DNA2: variants seen among roughly 807,000 people sequenced by gnomAD.
The protein encoded by DNA2 is DNA replication ATP-dependent helicase/nuclease DNA2.
In DNA2, 101 loss-of-function variants were observed where a neutral mutation model predicts 119.1. The observed-to-expected ratio is 0.85, with a 90% CI of 0.72 to 1.00. DNA2 has a LOEUF of 1.00. DNA2 is among the 50% of genes least tolerant of loss of function. DNA2 has a pLI of 0.00. For missense variants in DNA2, 1,121 were observed against 1,255.5 expected, an observed-to-expected ratio of 0.89 and a Z score of 1.62; for synonymous variants, 366 against 424.4, an observed-to-expected ratio of 0.86 and a Z score of 1.69.
In DNA2 at chr10:68,450,252, A is replaced by AAAAG. The variant is rs2052101517; in HGVS notation, c.720-6_720-5insCTTT. On this transcript the variant is annotated splice_region_variant and splice_polypyrimidine_tract_variant and intron_variant, in intron 5 of 20. Transcript: ENST00000358410. ...TCCTTACTATTATCACTTGGCCTGA[A>AAAAG]AAAAAAAAAAGCACAAAAACACTTA... 2 of 1,388,290 alleles carry AAAAG rather than the reference A, an allele frequency of 1.4e-6. No individual in the cohort carries two copies. Among genetic ancestry groups the AAAAG allele is most frequent in the African/African-American group, 2.9e-5 (2 of 68,394 alleles). The allele number at this position is 1,388,290 out of a possible 1,614,324, so 86.0% of individuals were successfully genotyped here. A position where few individuals can be genotyped will look rare whatever the true frequency, so the allele number is the denominator to read the frequency against.
chr10:68,448,958 T>C (rs1435151124), intron 6 of DNA2, among the ~76,000 whole-genome samples: 1 of 127,048 alleles, frequency 7.9e-6, no homozygotes, highest in East Asian at 2.8e-4. Flanking sequence ...TGTGTGTGTG[T>C]GTGTGTGTGC....
At chr10:68,469,556 A>G (rs1302475817) in intron 2 of DNA2, among the ~76,000 whole-genome samples, 3 of 152,072 alleles carry the variant, frequency 2.0e-5, no homozygotes, top group African/African-American at 4.8e-5. Context: ...TCCACCTCCC[A>G]GGTTCAAGCA....
intron 14 of DNA2, among the ~76,000 whole-genome samples, chr10:68,424,290 G>A (rs919296946): frequency 1.3e-5 from 2 of 152,172 alleles, no homozygotes; most frequent in African/African-American, 4.8e-5. Context: ...GATTGCTGGA[G>A]CTCAGGAGTT....
At chr10:68,432,703 G>C (rs982091346) in intron 10 of DNA2, among the ~76,000 whole-genome samples, 193 bp from the exon 11 acceptor site, 2 of 152,114 alleles carry the variant, frequency 1.3e-5, no homozygotes, top group Non-Finnish European at 2.9e-5. Context: ...GGAAGGGGAA[G>C]GTCCAAGGCA....
At chr10:68,422,025 A>G (rs944271996) in intron 17 of DNA2, among the ~76,000 whole-genome samples, 200 bp downstream of exon 17, 3 of 151,988 alleles carry the variant, frequency 2.0e-5, no homozygotes, top group African/African-American at 7.2e-5. Context: ...ATGTTGGCCA[A>G]GCTGGTCTTG....
At chr10:68,457,917 A>G (rs1276358813) in intron 5 of DNA2, among the ~76,000 whole-genome samples, 1 of 152,104 alleles carries the variant, frequency 6.6e-6, no homozygotes, top group Admixed American at 6.6e-5. Context: ...TCATGCCCGT[A>G]ATCCCAGCAG....
At position 68,434,421 on chromosome 10, in the gene DNA2, G is replaced by A. The variant is rs2051860895; in HGVS notation, c.1647-1911C>T. 2.6e-5 allele frequency among the ~76,000 whole-genome samples: 4 copies of A among 152,162 alleles called. No individual in the cohort carries two copies. The South Asian group carries it at 8.3e-4, about 32-fold the overall frequency. ...CTAGCACTTCAGAAGGCTGAAGCAG[G>A]AGGATCACTTGAGCCCATGAGTTCA... is the stretch of plus-strand genomic sequence containing the variant. On this transcript the variant is annotated intron_variant, in intron 10 of 20. Transcript: ENST00000358410.
At chr10:68,469,495 T>A (rs1430122199) in intron 2 of DNA2, among the ~76,000 whole-genome samples, 2 of 152,006 alleles carry the variant, frequency 1.3e-5, no homozygotes, top group Non-Finnish European at 1.5e-5. Flanking sequence ...GAAGTTTCGC[T>A]CTTGTTGCCT....
At position 68,445,024 on chromosome 10, in the gene DNA2, C is replaced by A; in HGVS notation, c.1117G>T (p.Ala373Ser). The A allele has an allele frequency of 6.2e-7, 1 of 1,613,120 alleles. No individual in the cohort carries two copies. The highest frequency in any genetic ancestry group is 8.5e-7 in the Non-Finnish European group (1 of 1,179,472). The change falls in exon 8 of 21, where the codon GCT becomes TCT. Residue 373 changes from alanine (A) to serine (S), a missense_variant. Physicochemically the swap from Ala to Ser is moderately conservative, Grantham distance 99. Coordinates refer to ENST00000358410, the MANE Select transcript of DNA2 (RefSeq NM_001080449.3). ...GCAAGCTGTGTCTTCTGTCTAGTAG[C>A]AGATTTGCTAATACGGTGAAACAAT... Reference protein sequence around the residue: ...FSLFHRISKSATRQKTQLASL... With the variant: ...FSLFHRISKSSTRQKTQLASL...
At position 68,471,922 on chromosome 10, in the gene DNA2, CAG is replaced by C; in HGVS notation, c.-60_-59del. On this transcript the variant is annotated 5_prime_UTR_variant, in exon 1 of 21. Transcript: ENST00000358410. ...AAAGACAGCGGAACCGGGGGTAACACAGAAAGCTTAGAAAAGGGAAAAAGGCG... is the reference window on the plus strand; with the variant it reads ...AAAGACAGCGGAACCGGGGGTAACACAAAGCTTAGAAAAGGGAAAAAGGCG... 1 of 1,613,762 alleles carries C rather than the reference CAG, an allele frequency of 6.2e-7. No individual in the cohort carries two copies. Among genetic ancestry groups the C allele is most frequent in the Non-Finnish European group, 8.5e-7 (1 of 1,179,700 alleles).
intron 10 of DNA2, among the ~76,000 whole-genome samples, chr10:68,436,491 TAGAC>T (rs752471172): frequency 6.6e-6 from 1 of 152,092 alleles, no homozygotes; most frequent in Non-Finnish European, 1.5e-5. Flanking sequence ...GTCTTAGAAA[TAGAC>T]AGAAGTGATG....
chr10:68,469,990 C>T lies in DNA2; in HGVS notation c.248G>A (p.Arg83Lys). ...SLENKELCIL[R>K]NDWCSVPVEP... is the part of the protein sequence containing the mutation. ...GTCACATAAAAATTACCAGTCATTC[C>T]TAAGGATGCATAGTTCTTTATTTTC... is the stretch of plus-strand genomic sequence containing the variant. Residue 83 changes from arginine to lysine, a missense_variant, in exon 2 of 21, where the codon AGG (arginine) becomes AAG (lysine). By Grantham distance (26) the Arg-to-Lys change is conservative. Coordinates refer to ENST00000358410, the MANE Select transcript of DNA2 (RefSeq NM_001080449.3). The T allele has an allele frequency of 6.3e-7, 1 of 1,599,024 alleles. No homozygotes were observed. The highest frequency in any genetic ancestry group is 8.5e-7 in the Non-Finnish European group (1 of 1,176,460).
Position 68,431,901 on chromosome 10 carries a change from A to AGTGT in DNA2, c.1943_1944insACAC (p.Met649HisfsTer24). ...TAGTTGTTTTTCCTGTCCCAGGCATACCCACGATGAGTGTGTAGTCTTTTG... is the reference window on the plus strand; with the variant it reads ...TAGTTGTTTTTCCTGTCCCAGGCATAGTGTCCCACGATGAGTGTGTAGTCTTTTG... On this transcript the variant is annotated frameshift_variant, in exon 13 of 21. Transcript: ENST00000358410. LOFTEE classifies it high-confidence loss of function. 1.9e-6 allele frequency: 3 copies of AGTGT among 1,613,866 alleles called. No homozygotes were observed. Among genetic ancestry groups the AGTGT allele is most frequent in the Non-Finnish European group, 2.5e-6 (3 of 1,179,816 alleles).
intron 10 of DNA2, among the ~76,000 whole-genome samples, chr10:68,433,494 A>G (rs905380257): frequency 1.3e-5 from 2 of 152,140 alleles, no homozygotes; most frequent in Admixed American, 6.6e-5. Context: ...AAAACCTTTC[A>G]ATACAATTCT....
In DNA2 at chr10:68,468,391, T is replaced by C; in HGVS notation, c.258-85A>G. Reference sequence around the variant, plus strand: ...ATTAGGGAGGCTTCAAAAAAATAAATGAGTATTTTATCTGAAGAAGAAAAA... The same window carrying C: ...ATTAGGGAGGCTTCAAAAAAATAAACGAGTATTTTATCTGAAGAAGAAAAA... On this transcript the variant is annotated intron_variant, in intron 2 of 20. Transcript: ENST00000358410. The C allele has an allele frequency of 3.3e-6, 3 of 898,742 alleles. No individual in the cohort carries two copies. The South Asian group carries it at 1.2e-4, about 37-fold the overall frequency. 55.7% of individuals were successfully genotyped at this position (898,742 alleles called of 1,614,324 possible). A position where few individuals can be genotyped will look rare whatever the true frequency, so the allele number is the denominator to read the frequency against.
intron 14 of DNA2, 41 bp downstream of exon 14, chr10:68,430,395 G>C (rs1161786752): frequency 1.4e-6 from 2 of 1,392,524 alleles, no homozygotes; most frequent in African/African-American, 2.9e-5. Context: ...TCTGGCTGTG[G>C]ACATTAACTG....
intron 20 of DNA2, among the ~76,000 whole-genome samples, chr10:68,415,443 A>AT: frequency 6.6e-6 from 1 of 151,136 alleles, no homozygotes; most frequent in Non-Finnish European, 1.5e-5. Flanking sequence ...TGCCCGGCTA[A>AT]TTTTGTATTT....
At chr10:68,458,588 C>T (rs967124176) in intron 5 of DNA2, among the ~76,000 whole-genome samples, 2 of 151,318 alleles carry the variant, frequency 1.3e-5, no homozygotes, top group East Asian at 3.9e-4. Flanking sequence ...GTGGCTCATG[C>T]CTGTAATCCC....
At chr10:68,468,646 G>T (rs2052352875) in intron 2 of DNA2, among the ~76,000 whole-genome samples, 1 of 152,144 alleles carries the variant, frequency 6.6e-6, no homozygotes, top group Non-Finnish European at 1.5e-5. Flanking sequence ...TTATGAATTG[G>T]GTTGTTTTAA....
Sources: allele counts gnomAD v4.1 joint callset (sites outside exome capture counted in the v4.1 genomes callset), GRCh38; gene constraint gnomAD v4.1.1; transcripts MANE v1.5; gene names NCBI Gene and HGNC (gene_info 2026-07-23, HGNC 2026-07-21).